NPAS3: variants seen among roughly 807,000 people sequenced by gnomAD.
The protein encoded by NPAS3 is neuronal PAS domain protein 3.
In NPAS3, 14 loss-of-function variants were observed where a neutral mutation model predicts 73.1. That is an observed-to-expected ratio of 0.19 (90% CI 0.13 to 0.30). The LOEUF (loss-of-function observed/expected upper bound fraction) is 0.30, where lower values mean the gene tolerates loss of function less well. Among genes scored for constraint, NPAS3 ranks in the 10% least tolerant of loss-of-function variants. The pLI is 1.00. For missense variants in NPAS3, 1,096 were observed against 1,250.0 expected (o/e 0.88, Z 1.86); for synonymous variants, 620 against 541.5 (o/e 1.14, Z -2.01).
intron 3 of NPAS3, among the ~76,000 whole-genome samples, chr14:33,308,527 T>TATATATATATATATATATATATATATAC: frequency 2.9e-5 from 3 of 103,718 alleles, no homozygotes; most frequent in Non-Finnish European, 5.6e-5. Flanking sequence ...TATATATATA[T>TATATATATATATATATATATATATATAC]ACATACACAC....
chr14:33,571,543 G>C (rs1370814986), intron 5 of NPAS3, among the ~76,000 whole-genome samples: 3 of 152,148 alleles, frequency 2.0e-5, no homozygotes, highest in Admixed American at 1.3e-4. Context: ...TGCTTCAAAG[G>C]ATATAACTTT....
intron 2 of NPAS3, among the ~76,000 whole-genome samples, chr14:33,059,686 G>A (rs2041024707): frequency 6.6e-6 from 1 of 152,142 alleles, no homozygotes; most frequent in African/African-American, 2.4e-5. Context: ...AGATGCAAAA[G>A]TTCTTTTCAA....
At chr14:33,154,162 G>A (rs1235899792) in intron 2 of NPAS3, among the ~76,000 whole-genome samples, 1 of 152,118 alleles carries the variant, frequency 6.6e-6, no homozygotes, top group Non-Finnish European at 1.5e-5. Flanking sequence ...TTGGCTCCTG[G>A]AGCCTGGGCA....
At chr14:33,088,864 C>T (rs1281521421) in intron 2 of NPAS3, among the ~76,000 whole-genome samples, 1 of 151,506 alleles carries the variant, frequency 6.6e-6, no homozygotes, top group African/African-American at 2.4e-5. Flanking sequence ...ATTTGCTGTT[C>T]AGCAATATTT....
Position 33,800,051 on chromosome 14 carries a change from G to C in NPAS3, c.1744G>C (p.Asp582His), listed in dbSNP as rs1205993148. 1.2e-6 allele frequency: 2 copies of C among 1,607,304 alleles called. No individual in the cohort carries two copies. Among genetic ancestry groups the C allele is most frequent in the Non-Finnish European group, 1.7e-6 (2 of 1,178,976 alleles). ...GTCACTCACGTCCGACAGCGCCAAG[G>C]ACTCGGACAGCGCAGGCGAGGCGGG... is the stretch of plus-strand genomic sequence containing the variant. Residue 582 changes from aspartate to histidine, a missense_variant, in exon 12 of 12, where the codon GAC becomes CAC. This residue lies in a region of NPAS3 where 698 missense variants were observed against 676.7 expected (regional missense o/e 1.03). Coordinates refer to ENST00000356141, the Ensembl canonical transcript of NPAS3. This position sits in a 1 kb window ranked among gnomAD's most constrained non-coding sequence, Gnocchi z 6.5.
intron 7 of NPAS3, among the ~76,000 whole-genome samples, chr14:33,749,041 A>AT (rs1034675109): frequency 6.6e-6 from 1 of 152,182 alleles, no homozygotes; most frequent in Admixed American, 6.5e-5. Context: ...GGATTTTGTA[A>AT]TTTTTAGGGA....
At chr14:33,534,553 A>G (rs2140200812) in intron 4 of NPAS3, among the ~76,000 whole-genome samples, 1 of 152,182 alleles carries the variant, frequency 6.6e-6, no homozygotes, top group East Asian at 1.9e-4. Context: ...CTTACCTGTC[A>G]TTTTCCATTT....
chr14:33,720,636 T>C (rs1049977495), intron 6 of NPAS3, among the ~76,000 whole-genome samples: 2 of 152,182 alleles, frequency 1.3e-5, no homozygotes, highest in African/African-American at 4.8e-5. Flanking sequence ...AGGTTAGGCA[T>C]TTTATCCTTT....
intron 4 of NPAS3, among the ~76,000 whole-genome samples, chr14:33,431,212 A>G (rs755745652): frequency 6.6e-6 from 1 of 152,168 alleles, no homozygotes; most frequent in East Asian, 1.9e-4. Context: ...ATTTGTTACT[A>G]TACAAGTTCT....
chr14:33,380,752 T>A (rs1032578429), intron 4 of NPAS3, among the ~76,000 whole-genome samples: 1 of 152,198 alleles, frequency 6.6e-6, no homozygotes, highest in Non-Finnish European at 1.5e-5. Flanking sequence ...TGGACTGCCC[T>A]CACAGAGGAG....
chr14:33,332,526 A>T (rs910322106), intron 3 of NPAS3, among the ~76,000 whole-genome samples: 1 of 152,218 alleles, frequency 6.6e-6, no homozygotes, highest in Non-Finnish European at 1.5e-5. Flanking sequence ...ACAACTGATC[A>T]TTTGGGGCCA....
chr14:33,534,839 A>T (rs2054190314), intron 4 of NPAS3, among the ~76,000 whole-genome samples: 1 of 152,106 alleles, frequency 6.6e-6, no homozygotes, highest in African/African-American at 2.4e-5. Flanking sequence ...CTCTTGGGGC[A>T]CAGTGGAATG....
intron 4 of NPAS3, among the ~76,000 whole-genome samples, chr14:33,392,610 AT>A (rs1343439801): frequency 6.6e-6 from 1 of 152,196 alleles, no homozygotes; most frequent in Non-Finnish European, 1.5e-5. Context: ...TTAGTGCATC[AT>A]TCTTTTGTGT....
rs3057435 is a variant in NPAS3 at position 33,077,774 on chromosome 14, GTT to G, written c.140+21794_140+21795del. Among the ~76,000 whole-genome samples the G allele has an allele frequency of 1.0e-4, 9 of 87,492 alleles. 1 individual carries two copies. Among genetic ancestry groups the G allele is most frequent in the Admixed American group, 4.4e-4 (3 of 6,890 alleles). 57.4% of individuals were successfully genotyped at this position (87,492 alleles called of 152,430 possible). On this transcript the variant is annotated intron_variant, in intron 2 of 11. Coordinates refer to ENST00000356141, the Ensembl canonical transcript of NPAS3. ...CTTTGCTCAAAACATTGCAGTAAGG[GTT>G]TTTTTTTTTTTTTGCCCCTTTTGGC...
At chr14:33,602,088 G>T (rs2140001551) in intron 5 of NPAS3, among the ~76,000 whole-genome samples, 1 of 152,264 alleles carries the variant, frequency 6.6e-6, no homozygotes, top group African/African-American at 2.4e-5. Flanking sequence ...CCGAGAGTGT[G>T]GGGAGACCTC....
At position 33,633,663 on chromosome 14, in the gene NPAS3, G is replaced by T. The variant is rs184677930; in HGVS notation, c.559-42548G>T. Among the ~76,000 whole-genome samples the T allele has an allele frequency of 4.0e-4, 61 of 152,250 alleles. 1 individual carries two copies. Among genetic ancestry groups the T allele is most frequent in the South Asian group, 3.7e-3 (18 of 4,818 alleles). On this transcript the variant is annotated intron_variant, in intron 5 of 11. Transcript: ENST00000356141. ...AGTATTATAATCTCTTGGGACTACT[G>T]TCCTACAAGTGGTCCATTGTTGATT...
chr14:33,416,454 A>G (rs1210309920), intron 4 of NPAS3, among the ~76,000 whole-genome samples: 1 of 151,868 alleles, frequency 6.6e-6, no homozygotes, highest in Non-Finnish European at 1.5e-5. Flanking sequence ...TTTCTGTCTT[A>G]AATATCTTCA....
At chr14:33,420,367 CAT>C (rs2048320084) in intron 4 of NPAS3, among the ~76,000 whole-genome samples, 1 of 152,068 alleles carries the variant, frequency 6.6e-6, no homozygotes, top group Non-Finnish European at 1.5e-5. Flanking sequence ...AATAATAACA[CAT>C]GAGGACAGTC....
chr14:33,224,390 C>G (rs1428065849), intron 3 of NPAS3, among the ~76,000 whole-genome samples: 3 of 152,090 alleles, frequency 2.0e-5, no homozygotes, highest in Non-Finnish European at 4.4e-5. Context: ...AGTCTTAGCT[C>G]TGCCTTAATA....
Sources: gnomAD v4.1 joint callset for allele counts (sites outside exome capture counted in the v4.1 genomes callset) on GRCh38, gnomAD v4.1.1 for gene constraint, gnomAD v4.1.1 regional missense constraint, Gnocchi (gnomAD v3.1) non-coding constraint, MANE v1.5 for transcripts, NCBI Gene and HGNC (gene_info 2026-07-23, HGNC 2026-07-21) for gene names.